GSK3B: variants seen among roughly 807,000 people sequenced by gnomAD.
The protein encoded by GSK3B is glycogen synthase kinase-3 beta.
GSK3B carries 15 observed loss-of-function variants against 56.4 expected under a neutral mutation model. The observed-to-expected ratio is 0.27, with a 90% CI of 0.18 to 0.41. GSK3B has a LOEUF of 0.41. GSK3B is among the 10% of genes least tolerant of loss of function. The pLI, the probability that GSK3B is intolerant of heterozygous loss-of-function variation, is 1.00. For missense variants in GSK3B, 300 were observed against 513.4 expected, an observed-to-expected ratio of 0.58 and a Z score of 4.02; for synonymous variants, 181 against 188.9, an observed-to-expected ratio of 0.96 and a Z score of 0.34.
intron 2 of GSK3B, among the ~76,000 whole-genome samples, chr3:119,956,155 T>G (rs186746951): frequency 1.3e-5 from 2 of 152,320 alleles, no homozygotes. Context: ...GCTATCAGGC[T>G]TCTCACTCAC....
In GSK3B at chr3:119,912,838, GC is replaced by G. The variant is rs1428042650; in HGVS notation, c.609-29del. On this transcript the variant is annotated intron_variant, in intron 5 of 10. Coordinates refer to ENST00000264235, the MANE Select transcript of GSK3B (RefSeq NM_001146156.2). The stretch of plus-strand genomic sequence containing the variant: ...AACAGAAAAAAAATAAAAATAAAAA[GC>G]AGAAATTCTTTAAATCTAAACCTTA... 4.2e-6 allele frequency: 5 copies of G among 1,193,382 alleles called. No homozygotes were observed. In the African/African-American group the frequency reaches 7.6e-5, roughly 18 times the overall value. The allele number at this position is 1,193,382 out of a possible 1,614,324, so 73.9% of individuals were successfully genotyped here.
chr3:119,876,050 G>C (rs2056307893), intron 8 of GSK3B, among the ~76,000 whole-genome samples: 1 of 152,118 alleles, frequency 6.6e-6, no homozygotes. Context: ...GAAAATGTTT[G>C]AAATGTATGA....
rs77915953 is a variant in GSK3B at position 119,927,920 on chromosome 3, A to C, written c.367-4437T>G. Among the ~76,000 whole-genome samples, 40 of 152,358 alleles carry C rather than the reference A, an allele frequency of 2.6e-4. No homozygotes were observed. In the East Asian group the frequency reaches 7.7e-3, roughly 29 times the overall value. On this transcript the variant is annotated intron_variant, in intron 3 of 10. Transcript: ENST00000264235. ...TCGACAATTCAAAGTGGAAATTTCT[A>C]TAAGGGTGAGAGGTGAAACTGTGAA...
intron 9 of GSK3B, among the ~76,000 whole-genome samples, chr3:119,851,649 T>G (rs1433022690): frequency 6.6e-6 from 1 of 152,164 alleles, no homozygotes; most frequent in Non-Finnish European, 1.5e-5. Context: ...GGAATCTTCC[T>G]CCTCTACTAG....
chr3:120,092,239 T>C (rs2058518639), intron 1 of GSK3B, among the ~76,000 whole-genome samples: 1 of 152,160 alleles, frequency 6.6e-6, no homozygotes, highest in Admixed American at 6.5e-5. Flanking sequence ...TTCAAGAGCA[T>C]ACTTTTCAGC....
At chr3:119,991,120 A>G (rs1165511758) in intron 2 of GSK3B, among the ~76,000 whole-genome samples, 1 of 152,306 alleles carries the variant, frequency 6.6e-6, no homozygotes, top group African/African-American at 2.4e-5. Context: ...GATCACTAAT[A>G]AACATGCAAC....
intron 1 of GSK3B, among the ~76,000 whole-genome samples, chr3:120,063,639 A>G (rs2058255785): frequency 6.6e-6 from 1 of 151,710 alleles, no homozygotes; most frequent in South Asian, 2.1e-4. Flanking sequence ...GAGGCAGGAG[A>G]ATCGCTTGAA....
intron 1 of GSK3B, among the ~76,000 whole-genome samples, chr3:120,088,116 T>C (rs1232029499): frequency 1.3e-5 from 2 of 152,128 alleles, no homozygotes; most frequent in African/African-American, 2.4e-5. Context: ...ATGGTCTTGA[T>C]CTCCTGACCT....
chr3:119,975,504 T>C (rs757155661), intron 2 of GSK3B, among the ~76,000 whole-genome samples: 2 of 152,212 alleles, frequency 1.3e-5, no homozygotes, highest in African/African-American at 4.8e-5. Flanking sequence ...TAAATGCATA[T>C]TGCTGAGAAA....
chr3:120,042,583 T>C (rs947500864), intron 1 of GSK3B, among the ~76,000 whole-genome samples: 9 of 152,150 alleles, frequency 5.9e-5, no homozygotes, highest in South Asian at 2.1e-4. Flanking sequence ...TTAATGACAA[T>C]AGATCACCTC....
chr3:119,971,147 G>T (rs1160962282), intron 2 of GSK3B, among the ~76,000 whole-genome samples: 1 of 152,132 alleles, frequency 6.6e-6, no homozygotes, highest in Non-Finnish European at 1.5e-5. Flanking sequence ...CAAATGGATT[G>T]AAGTTGAAGC....
intron 2 of GSK3B, among the ~76,000 whole-genome samples, chr3:119,968,841 A>C (rs1330607136): frequency 6.6e-6 from 1 of 152,252 alleles, no homozygotes; most frequent in African/African-American, 2.4e-5. Flanking sequence ...AGTTAGAACT[A>C]ATAAGCAATT....
At chr3:119,891,431 A>T (rs2056500713) in intron 7 of GSK3B, among the ~76,000 whole-genome samples, 1 of 152,092 alleles carries the variant, frequency 6.6e-6, no homozygotes, top group Non-Finnish European at 1.5e-5. Flanking sequence ...GTTTTATATT[A>T]AGTTTTTATT....
intron 2 of GSK3B, among the ~76,000 whole-genome samples, chr3:119,986,613 C>T (rs149233010): frequency 3.9e-4 from 59 of 152,224 alleles, no homozygotes; most frequent in African/African-American, 1.0e-3. Context: ...CAGAGAAACA[C>T]AAATCAAAAC....
At chr3:119,885,633 C>T (rs1428033191) in intron 7 of GSK3B, among the ~76,000 whole-genome samples, 2 of 152,146 alleles carry the variant, frequency 1.3e-5, no homozygotes, top group East Asian at 3.8e-4. Context: ...AGAGGCATCA[C>T]ATTACCTGAC....
chr3:119,955,578 G>T (rs2057205712), intron 2 of GSK3B, among the ~76,000 whole-genome samples: 3 of 152,120 alleles, frequency 2.0e-5, no homozygotes. Flanking sequence ...GGGTCAGGTG[G>T]AAAGTCTTAA....
chr3:119,893,547 T>C (rs1429613024), intron 7 of GSK3B, among the ~76,000 whole-genome samples: 1 of 152,148 alleles, frequency 6.6e-6, no homozygotes, highest in Non-Finnish European at 1.5e-5. Context: ...ATTTTCATCA[T>C]TTTTCAGAGC....
At chr3:119,975,462 A>C (rs897002244) in intron 2 of GSK3B, among the ~76,000 whole-genome samples, 2 of 152,138 alleles carry the variant, frequency 1.3e-5, no homozygotes, top group African/African-American at 4.8e-5. Flanking sequence ...AAAAGATATG[A>C]GCTATCATAT....
intron 2 of GSK3B, among the ~76,000 whole-genome samples, chr3:119,995,946 C>A (rs1460909594): frequency 1.3e-5 from 2 of 151,976 alleles, no homozygotes; most frequent in Non-Finnish European, 2.9e-5. Flanking sequence ...CCATGTTGGC[C>A]AGGCTGGTCT....
Sources: gnomAD v4.1 joint callset for allele counts (sites outside exome capture counted in the v4.1 genomes callset) on GRCh38, gnomAD v4.1.1 for gene constraint, MANE v1.5 for transcripts, NCBI Gene and HGNC (gene_info 2026-07-23, HGNC 2026-07-21) for gene names.